IQSEC3: variants seen among roughly 807,000 people sequenced by gnomAD.
IQSEC3 encodes the protein IQ motif and SEC7 domain-containing protein 3.
Under a neutral mutation model 105.4 loss-of-function variants are expected in IQSEC3, and 50 were observed. The ratio of observed to expected loss-of-function variants is 0.47; its 90% CI spans 0.38 to 0.60. The LOEUF (loss-of-function observed/expected upper bound fraction) is 0.60. Ranked by LOEUF, IQSEC3 falls within the 20% of genes least tolerant of loss-of-function variation. IQSEC3 has a pLI of 0.00. For missense variants in IQSEC3, 1,415 were observed against 1,630.0 expected, an observed-to-expected ratio of 0.87 and a Z score of 2.27; for synonymous variants, 708 against 746.0, an observed-to-expected ratio of 0.95 and a Z score of 0.83.
intron 9 of IQSEC3, 121 bp downstream of exon 9, chr12:163,740 T>C: frequency 4.0e-6 from 3 of 741,006 alleles, no homozygotes; most frequent in Non-Finnish European, 6.9e-6. Context: ...ACAGAATGCC[T>C]GTTCCGTGGG....
At chr12:156,051 G>A (rs1303172181) in intron 5 of IQSEC3, among the ~76,000 whole-genome samples, 2 of 152,214 alleles carry the variant, frequency 1.3e-5, no homozygotes, top group Non-Finnish European at 2.9e-5. Flanking sequence ...GAGGCAGGGT[G>A]AGGGGACTGG....
At chr12:126,248 T>G (rs1327168318) in intron 3 of IQSEC3, among the ~76,000 whole-genome samples, 3 of 152,190 alleles carry the variant, frequency 2.0e-5, no homozygotes, top group Non-Finnish European at 4.4e-5. Context: ...CCCACCTCCA[T>G]CTGCTGCTTA....
chr12:120,199 A>G (rs189904316), intron 2 of IQSEC3, among the ~76,000 whole-genome samples: 1 of 152,356 alleles, frequency 6.6e-6, no homozygotes, highest in East Asian at 1.9e-4. Context: ...TTGTTAGAGC[A>G]TAGAGGAGGG....
chr12:107,940 C>T (rs900964680), intron 2 of IQSEC3, among the ~76,000 whole-genome samples: 1 of 152,202 alleles, frequency 6.6e-6, no homozygotes, highest in African/African-American at 2.4e-5. Context: ...CTCCCATCCT[C>T]AGTTTGAGTG....
At chr12:130,282 G>C (rs1199978273) in intron 3 of IQSEC3, among the ~76,000 whole-genome samples, 1 of 152,178 alleles carries the variant, frequency 6.6e-6, no homozygotes, top group Non-Finnish European at 1.5e-5. Context: ...CCAGGCTAAC[G>C]GTTGCCATGT....
intron 2 of IQSEC3, among the ~76,000 whole-genome samples, chr12:105,386 G>A (rs1292443429): frequency 1.3e-5 from 2 of 152,200 alleles, no homozygotes; most frequent in African/African-American, 2.4e-5. Flanking sequence ...GTGGGACAGA[G>A]TGGCACCTGC....
At chr12:110,575 G>A (rs1231204955) in intron 2 of IQSEC3, among the ~76,000 whole-genome samples, 1 of 152,028 alleles carries the variant, frequency 6.6e-6, no homozygotes, top group Non-Finnish European at 1.5e-5. Flanking sequence ...TTTCTGCTCA[G>A]CTGGCAGGAC....
intron 2 of IQSEC3, chr12:111,893 G>A (rs1228836115): frequency 2.0e-5 from 3 of 152,198 alleles, no homozygotes; most frequent in African/African-American, 7.2e-5. Flanking sequence ...CCAGAGAACA[G>A]CGAAAGTGAG....
intron 7 of IQSEC3, among the ~76,000 whole-genome samples, chr12:160,954 C>G (rs533012264): frequency 5.3e-5 from 8 of 152,282 alleles, no homozygotes; most frequent in African/African-American, 1.9e-4. Context: ...AGCCTGCCAC[C>G]TTGAACTGGG....
At chr12:126,547 G>A (rs1359352312) in intron 3 of IQSEC3, among the ~76,000 whole-genome samples, 1 of 145,066 alleles carries the variant, frequency 6.9e-6, no homozygotes, top group Admixed American at 7.0e-5. Flanking sequence ...GATGGAAGGT[G>A]TGTGTGTGTG....
Position 138,670 on chromosome 12 carries a change from T to C in IQSEC3, c.1307T>C (p.Leu436Pro). The change falls in exon 4 of 14, where the codon CTC becomes CCC. Residue 436 changes from leucine to proline, a missense_variant. Physicochemically the swap from Leu to Pro is moderately conservative, Grantham distance 98. Around this residue, in one of 6 missense-constraint regions of IQSEC3, gnomAD observed 720 missense variants for 633.0 expected, o/e 1.14. Coordinates refer to ENST00000538872, the MANE Select transcript of IQSEC3 (RefSeq NM_001170738.2). The surrounding 1 kb of genome is among the most constrained non-coding windows in gnomAD (Gnocchi z 7.1). ...CTGCGGGAGAGTGGCGCTTACCAGC[T>C]CCACCAGGCCCTGCAGGCGGCCGCG... ...CSLRESGAYQ[L>P]HQALQAAAGP... 1 of 1,558,584 alleles carries C rather than the reference T, an allele frequency of 6.4e-7. No individual in the cohort carries two copies. Among genetic ancestry groups the C allele is most frequent in the Non-Finnish European group, 8.6e-7 (1 of 1,159,530 alleles).
rs1416634054 is a variant in IQSEC3, at chr12:125,902, A to G, written c.893A>G (p.Lys298Arg). Residue 298 changes from lysine (K) to arginine (R), a missense_variant, in exon 3 of 14, where the codon AAG (lysine) becomes AGG (arginine). Transcript: ENST00000538872. Reference sequence around the variant, plus strand: ...GATTACGAACTCTCCCTTGACCTAAAGAATAAACAGGTACCCAGGGCCTCC... The same window carrying G: ...GATTACGAACTCTCCCTTGACCTAAGGAATAAACAGGTACCCAGGGCCTCC... ...ASDYELSLDL[K>R]NKQIEMLEHK... 5 of 1,533,164 alleles carry G rather than the reference A, an allele frequency of 3.3e-6. No individual in the cohort carries two copies. In the African/African-American group the frequency reaches 5.5e-5, roughly 17 times the overall value. The allele number at this position is 1,533,164 out of a possible 1,614,324, so 95.0% of individuals were successfully genotyped here.
At chr12:68,268 G>A (rs1393797997) in intron 1 of IQSEC3, among the ~76,000 whole-genome samples, 1 of 151,942 alleles carries the variant, frequency 6.6e-6, no homozygotes, top group Non-Finnish European at 1.5e-5. Context: ...TTTGGCCGTT[G>A]TTGAAAGGGA....
In IQSEC3 at chr12:87,345, G is replaced by C. The variant is rs543213955; in HGVS notation, c.555-11801G>C. Among the ~76,000 whole-genome samples the C allele has an allele frequency of 3.3e-5, 5 of 152,250 alleles. No individual in the cohort carries two copies. The East Asian group carries it at 9.6e-4, about 29-fold the overall frequency. ...CATCACCATGCAAAAAAAGTACTAG[G>C]AAAACCAGGGCAGAACACTTCTCTG... On this transcript the variant is annotated intron_variant, in intron 1 of 13. Coordinates refer to ENST00000538872, the MANE Select transcript of IQSEC3 (RefSeq NM_001170738.2).
chr12:171,230 G>A (rs782379956), intron 13 of IQSEC3, 69 bp downstream of exon 13: 1 of 1,613,962 alleles, frequency 6.2e-7, no homozygotes, highest in South Asian at 1.1e-5. Flanking sequence ...CACCGTCTCT[G>A]TTGTTTCTCT....
chr12:71,708 T>C (rs1555067594), intron 1 of IQSEC3, among the ~76,000 whole-genome samples: 1 of 152,280 alleles, frequency 6.6e-6, no homozygotes, highest in Non-Finnish European at 1.5e-5. Context: ...CCAAACCCTA[T>C]CACTAGGTGA....
intron 3 of IQSEC3, among the ~76,000 whole-genome samples, chr12:131,997 C>T (rs1235033561): frequency 1.3e-5 from 2 of 151,888 alleles, no homozygotes; most frequent in African/African-American, 4.8e-5. Flanking sequence ...TCTGTTGGAG[C>T]CTGGGGGAGG....
intron 11 of IQSEC3, among the ~76,000 whole-genome samples, chr12:168,393 T>C (rs567383769): frequency 1.3e-5 from 2 of 152,108 alleles, no homozygotes; most frequent in Non-Finnish European, 2.9e-5. Context: ...AGGCAGGCTC[T>C]GTCCTCCCAG....
At position 126,544 on chromosome 12, in the gene IQSEC3, GGTGT is replaced by G. The variant is rs56871643; in HGVS notation, c.903+658_903+661del. 6.5e-3 allele frequency among the ~76,000 whole-genome samples: 955 copies of G among 145,802 alleles called. 4 individuals carry two copies. Among genetic ancestry groups the G allele is most frequent in the African/African-American group, 0.014 (564 of 39,256 alleles). On this transcript the variant is annotated intron_variant, in intron 3 of 13. Coordinates refer to ENST00000538872, the MANE Select transcript of IQSEC3 (RefSeq NM_001170738.2). The stretch of plus-strand genomic sequence containing the variant: ...TTGGCAGACAAGAGTCTTGATGGAA[GGTGT>G]GTGTGTGTGTGTGTGTGTGTGTGTG...
Sources: allele counts gnomAD v4.1 joint callset (sites outside exome capture counted in the v4.1 genomes callset), GRCh38; gene constraint gnomAD v4.1.1; regional missense constraint gnomAD v4.1.1; non-coding constraint Gnocchi (gnomAD v3.1); transcripts MANE v1.5; gene names NCBI Gene and HGNC (gene_info 2026-07-23, HGNC 2026-07-21).